The following SART3 variants were observed in gnomAD, a reference collection of about 807,000 sequenced individuals.
SART3 encodes the protein spliceosome associated factor 3, U4/U6 recycling protein.
Under a neutral mutation model 122.3 loss-of-function variants are expected in SART3, and 44 were observed. The ratio of observed to expected loss-of-function variants is 0.36; its 90% confidence interval spans 0.28 to 0.46. The LOEUF (loss-of-function observed/expected upper bound fraction) is 0.46. Ranked by LOEUF, SART3 falls within the 20% of genes least tolerant of loss-of-function variation. The pLI is 1.00. For synonymous variants in SART3, 442 were observed against 454.0 expected (o/e 0.97, Z 0.34); for missense variants, 1,101 against 1,229.0 (o/e 0.90, Z 1.56).
chr12:108,524,459 A>G lies in SART3; in HGVS notation c.2571T>C (p.Ala857=), dbSNP rs746063807. 1 of 1,614,168 alleles carries G rather than the reference A, an allele frequency of 6.2e-7. No individual in the cohort carries two copies. The highest frequency in any genetic ancestry group is 8.5e-7 in the Non-Finnish European group (1 of 1,180,038). The part of the protein sequence containing the change: ...EYENESQASQ[A]VMKMDGMTIK... The stretch of plus-strand genomic sequence containing the variant: ...TAGTCATGCCGTCCATCTTCATCAC[A>G]GCCTGCGACGCCTGGGATTCATTTT... The change falls in exon 18 of 19, where the codon GCT becomes GCC. Residue 857 remains alanine (A), a synonymous_variant. Transcript: ENST00000546815.
intron 12 of SART3, among the ~76,000 whole-genome samples, chr12:108,532,957 T>C (rs1419805873): frequency 3.9e-5 from 6 of 152,278 alleles, no homozygotes; most frequent in South Asian, 2.1e-4. Flanking sequence ...TTTCACCAGG[T>C]TGGCAAGGCT....
intron 6 of SART3, among the ~76,000 whole-genome samples, chr12:108,540,117 G>A (rs371682104): frequency 1.3e-5 from 2 of 150,976 alleles, no homozygotes; most frequent in Middle Eastern, 3.4e-3. Flanking sequence ...ACCTACTGCA[G>A]TGAAATTAGA....
intron 12 of SART3, chr12:108,532,709 G>A (rs967017629): frequency 2.4e-5 from 7 of 297,784 alleles, no homozygotes; most frequent in African/African-American, 1.3e-4. Context: ...ACTGACAGGA[G>A]AGTTATGAAT....
intron 2 of SART3, 148 bp downstream of exon 2, chr12:108,548,940 A>G: frequency 3.3e-6 from 4 of 1,215,900 alleles, no homozygotes; most frequent in South Asian, 1.4e-5. Context: ...ACAATAAACT[A>G]AAAATAGCTA....
chr12:108,530,564 T>C (rs2287547), intron 14 of SART3, among the ~76,000 whole-genome samples: 29,837 of 151,936 alleles, frequency 0.2, 3,356 homozygotes, highest in Admixed American at 0.35. Context: ...GGCAAAAAAA[T>C]CCATAAAACT....
chr12:108,534,191 TTAAAA>T (rs1018382196), intron 12 of SART3, among the ~76,000 whole-genome samples: 6 of 152,200 alleles, frequency 3.9e-5, no homozygotes, highest in Non-Finnish European at 5.9e-5. Flanking sequence ...TTTAAATAAA[TTAAAA>T]TGTTTTTTAG....
chr12:108,530,419 G>A, intron 14 of SART3, 109 bp from the exon 15 acceptor site: 1 of 1,268,140 alleles, frequency 7.9e-7, no homozygotes, highest in Non-Finnish European at 1.1e-6. Context: ...ATGAAAAGCA[G>A]AGATCAGGAG....
rs766972897 is a variant in SART3, at chr12:108,531,194, T to C, written c.1746+10A>G. ...CCAGAGGTGCCAAAGACTTCAAACA[T>C]TGTCATTACCTTCATTCTCTGCTCA... On this transcript the variant is annotated intron_variant, in intron 14 of 18. Coordinates refer to ENST00000546815, the MANE Select transcript of SART3 (RefSeq NM_014706.4). 1.9e-6 allele frequency: 3 copies of C among 1,613,226 alleles called. No individual in the cohort carries two copies. The highest frequency in any genetic ancestry group is 1.1e-5 in the South Asian group (1 of 91,046).
intron 3 of SART3, among the ~76,000 whole-genome samples, chr12:108,545,678 A>G (rs761827763): frequency 3.6e-4 from 55 of 152,260 alleles, no homozygotes; most frequent in Non-Finnish European, 6.6e-4. Flanking sequence ...GTTTTTAAAA[A>G]CACATTTGGC....
In SART3 at chr12:108,545,323, C is replaced by T; in HGVS notation, c.545G>A (p.Cys182Tyr). The T allele has an allele frequency of 1.2e-6, 2 of 1,614,018 alleles. No individual in the cohort carries two copies. Among genetic ancestry groups the T allele is most frequent in the Non-Finnish European group, 1.7e-6 (2 of 1,179,932 alleles). Residue 182 changes from cysteine (C) to tyrosine (Y), a missense_variant and splice_region_variant, in exon 4 of 19, where the codon TGT becomes TAT. Physicochemically the swap from Cys to Tyr is radical, Grantham distance 194. Coordinates refer to ENST00000546815, the MANE Select transcript of SART3 (RefSeq NM_014706.4). ...LFEKAVKDYI[C>Y]PNIWLEYGQY... is the part of the protein sequence containing the mutation. ...GCCATACTCTAGCCAAATGTTAGGACCTAAAAATAAGAAGTGTTCAATTAG... is the reference window on the plus strand; with the variant it reads ...GCCATACTCTAGCCAAATGTTAGGATCTAAAAATAAGAAGTGTTCAATTAG...
intron 9 of SART3, chr12:108,537,112 A>C: frequency 2.3e-6 from 1 of 442,150 alleles, no homozygotes; most frequent in South Asian, 2.2e-5. Context: ...TGCAAGTACA[A>C]GTTAGGGGTT....
chr12:108,545,746 C>T (rs1346449120), intron 3 of SART3, among the ~76,000 whole-genome samples: 4 of 152,032 alleles, frequency 2.6e-5, no homozygotes, highest in African/African-American at 9.7e-5. Flanking sequence ...CGTGGGAGGA[C>T]CACAAGGTCA....
At chr12:108,525,160 C>T (rs1176547592) in intron 17 of SART3, among the ~76,000 whole-genome samples, 1 of 152,214 alleles carries the variant, frequency 6.6e-6, no homozygotes, top group African/African-American at 2.4e-5. Flanking sequence ...CCCCAAAGCC[C>T]GTATGCTGCT....
intron 6 of SART3, 42 bp from the exon 7 acceptor site, chr12:108,539,131 G>GA: frequency 5.6e-6 from 9 of 1,610,948 alleles, no homozygotes; most frequent in Non-Finnish European, 7.6e-6. Context: ...TTACTGGCAG[G>GA]AAGCACAACA....
intron 1 of SART3, among the ~76,000 whole-genome samples, chr12:108,559,903 A>C (rs2030417165): frequency 6.6e-6 from 1 of 152,142 alleles, no homozygotes; most frequent in South Asian, 2.1e-4. Flanking sequence ...CCTTGACAGG[A>C]AACTGGGGCT....
In SART3 at chr12:108,556,917, C is replaced by CATAGATATTCT. The variant is rs1348961018; in HGVS notation, c.312+3925_312+3926insAGAATATCTAT. 2.6e-5 allele frequency among the ~76,000 whole-genome samples: 4 copies of CATAGATATTCT among 152,332 alleles called. No individual in the cohort carries two copies. The South Asian group carries it at 6.2e-4, about 24-fold the overall frequency. On this transcript the variant is annotated intron_variant, in intron 1 of 18. Transcript: ENST00000546815. The stretch of plus-strand genomic sequence containing the variant: ...CTAGTCAGTGTCACGAATATCTATG[C>CATAGATATTCT]ATGCAAGTGCCCCTCACATGAACAC...
intron 7 of SART3, among the ~76,000 whole-genome samples, chr12:108,538,425 A>G (rs1873011049): frequency 6.6e-6 from 1 of 152,208 alleles, no homozygotes; most frequent in African/African-American, 2.4e-5. Flanking sequence ...AGCCAACCCT[A>G]CTGGATAGAC....
At chr12:108,537,174 C>T in intron 9 of SART3, 1 of 428,254 alleles carries the variant, frequency 2.3e-6, no homozygotes, top group Admixed American at 3.6e-5. Flanking sequence ...CACAGAGGTA[C>T]AAAGATTTTT....
chr12:108,533,045 A>T (rs1442385141), intron 12 of SART3, among the ~76,000 whole-genome samples: 1 of 152,242 alleles, frequency 6.6e-6, no homozygotes, highest in Non-Finnish European at 1.5e-5. Flanking sequence ...GTTATGCAAC[A>T]GTGTATTCAT....
Sources: gnomAD v4.1 joint callset for allele counts (sites outside exome capture counted in the v4.1 genomes callset) on GRCh38, gnomAD v4.1.1 for gene constraint, MANE v1.5 for transcripts, NCBI Gene and HGNC (gene_info 2026-07-23, HGNC 2026-07-21) for gene names.